ADARB1: variants seen among roughly 807,000 people sequenced by gnomAD.
ADARB1 encodes double-stranded RNA-specific editase 1.
A neutral mutation model predicts 52.4 loss-of-function variants in ADARB1; 10 were observed. The ratio of observed to expected loss-of-function variants is 0.19; its 90% CI spans 0.12 to 0.32. The LOEUF is 0.32. Among genes scored for constraint, ADARB1 ranks in the 10% least tolerant of loss-of-function variants. ADARB1 has a pLI of 1.00. For missense variants in ADARB1, 643 were observed against 922.3 expected (o/e 0.70, Z 3.92); for synonymous variants, 349 against 371.1 (o/e 0.94, Z 0.68).
At chr21:45,088,988 A>T (rs1172868003) in intron 1 of ADARB1, among the ~76,000 whole-genome samples, 1 of 152,152 alleles carries the variant, frequency 6.6e-6, no homozygotes, top group African/African-American at 2.4e-5. Context: ...TGAACACTGG[A>T]AACACCGAGG....
chr21:45,134,769 A>AC (rs754048096), intron 2 of ADARB1: 6 of 531,640 alleles, frequency 1.1e-5, no homozygotes, highest in Admixed American at 9.8e-5. Context: ...AGCATTGAGG[A>AC]CCCCCTAGAG....
intron 2 of ADARB1, among the ~76,000 whole-genome samples, chr21:45,144,264 G>A (rs1301525961): frequency 1.3e-5 from 2 of 152,056 alleles, no homozygotes; most frequent in Non-Finnish European, 2.9e-5. Context: ...GCTTTTAAGA[G>A]TTTTCCTAAA....
chr21:45,109,210 C>T (rs1172543688), intron 1 of ADARB1, among the ~76,000 whole-genome samples: 5 of 148,128 alleles, frequency 3.4e-5, no homozygotes, highest in East Asian at 2.0e-4. Context: ...TGTGTTTGCG[C>T]GCGTGTGTGC....
chr21:45,091,120 A>G (rs2086546238), intron 1 of ADARB1, among the ~76,000 whole-genome samples: 2 of 152,250 alleles, frequency 1.3e-5, no homozygotes, highest in South Asian at 4.1e-4. Flanking sequence ...GCAGTGAATG[A>G]AATAACTCAG....
chr21:45,092,977 A>G (rs1282500018), intron 1 of ADARB1, among the ~76,000 whole-genome samples: 3 of 152,026 alleles, frequency 2.0e-5, no homozygotes, highest in Non-Finnish European at 4.4e-5. Context: ...AGTCGAGGCT[A>G]TCTCAGTCCC....
intron 1 of ADARB1, among the ~76,000 whole-genome samples, chr21:45,104,487 C>A (rs987771488): frequency 2.0e-5 from 3 of 152,074 alleles, no homozygotes; most frequent in African/African-American, 7.2e-5. Context: ...CATGGACAGG[C>A]CGTGCTGCAG....
intron 1 of ADARB1, among the ~76,000 whole-genome samples, chr21:45,097,258 G>A (rs2086803141): frequency 6.6e-6 from 1 of 152,124 alleles, no homozygotes; most frequent in South Asian, 2.1e-4. Flanking sequence ...AAGAGCAAAT[G>A]CTGGAAAAAC....
chr21:45,179,381 G>A (rs1417031725), intron 4 of ADARB1, among the ~76,000 whole-genome samples: 3 of 152,220 alleles, frequency 2.0e-5, no homozygotes, highest in Non-Finnish European at 4.4e-5. Flanking sequence ...CCAACCTGGG[G>A]ATGCTGGGTT....
intron 1 of ADARB1, among the ~76,000 whole-genome samples, chr21:45,094,488 C>G (rs931153459): frequency 6.6e-6 from 1 of 152,162 alleles, no homozygotes; most frequent in Non-Finnish European, 1.5e-5. Context: ...TGTTTTGGCA[C>G]CACTACCATC....
intron 1 of ADARB1, among the ~76,000 whole-genome samples, chr21:45,121,897 C>A (rs559996093): frequency 6.6e-6 from 1 of 152,298 alleles, no homozygotes; most frequent in Admixed American, 6.5e-5. Context: ...CCAGCTGTAT[C>A]CCCTCCTCTC....
At chr21:45,156,689 A>C (rs921464007) in intron 2 of ADARB1, among the ~76,000 whole-genome samples, 2 of 151,930 alleles carry the variant, frequency 1.3e-5, no homozygotes, top group Admixed American at 6.6e-5. Context: ...CCACTTCTCT[A>C]CATTGTTCCG....
chr21:45,174,657 C>G (rs1288786994), intron 3 of ADARB1, among the ~76,000 whole-genome samples: 1 of 151,930 alleles, frequency 6.6e-6, no homozygotes, highest in African/African-American at 2.4e-5. Context: ...GAGCCGAGAT[C>G]GCGCCACTGC....
intron 1 of ADARB1, among the ~76,000 whole-genome samples, chr21:45,112,339 G>A (rs1404033890): frequency 6.6e-6 from 1 of 152,182 alleles, no homozygotes; most frequent in African/African-American, 2.4e-5. Context: ...GGTGTAAAGA[G>A]GCACAGGGAC....
rs1469885184 is a variant in ADARB1, at chr21:45,157,126, A to G, written c.-47-14484A>G. Among the ~76,000 whole-genome samples, 1 of 152,108 alleles carries G rather than the reference A, an allele frequency of 6.6e-6. No individual in the cohort carries two copies. Among genetic ancestry groups the G allele is most frequent in the South Asian group, 2.1e-4 (1 of 4,828 alleles). On this transcript the variant is annotated intron_variant, in intron 2 of 10. Transcript: ENST00000348831. This position sits in a 1 kb window ranked among gnomAD's most constrained non-coding sequence, Gnocchi z 4.1. The stretch of plus-strand genomic sequence containing the variant: ...TGCTGATGGGCCTCGCAGCACAAGA[A>G]AGACTCTGCTGCCTGGGCAGGAGCT...
Position 45,199,515 on chromosome 21 carries a change from C to T in ADARB1, c.1566-5040C>T, listed in dbSNP as rs374158290. 8.5e-5 allele frequency among the ~76,000 whole-genome samples: 13 copies of T among 152,306 alleles called. No homozygotes were observed. In the East Asian group the frequency reaches 2.3e-3, roughly 27 times the overall value. On this transcript the variant is annotated intron_variant, in intron 8 of 10. Transcript: ENST00000348831. ...CAGAAGACATGGACAAAGTAGCCAA[C>T]GACCAGTCCTGGAGAAACAGGCTGT...
intron 2 of ADARB1, among the ~76,000 whole-genome samples, chr21:45,168,155 T>C (rs1161275320): frequency 6.6e-6 from 1 of 152,238 alleles, no homozygotes; most frequent in African/African-American, 2.4e-5. Context: ...ATCCTCTTCG[T>C]GTCCTTTGCC....
At chr21:45,217,924 A>G (rs2092898127) in intron 9 of ADARB1, among the ~76,000 whole-genome samples, 1 of 152,150 alleles carries the variant, frequency 6.6e-6, no homozygotes, top group Non-Finnish European at 1.5e-5. Flanking sequence ...CCAGTAAGAA[A>G]TGTGTTGTTA....
intron 7 of ADARB1, 63 bp downstream of exon 7, chr21:45,183,573 C>T: frequency 1.3e-6 from 2 of 1,560,706 alleles, no homozygotes; most frequent in Non-Finnish European, 1.7e-6. Flanking sequence ...TAAAAACTAA[C>T]CTGTGTTAAT....
At chr21:45,117,366 C>T (rs751286501) in intron 1 of ADARB1, among the ~76,000 whole-genome samples, 1 of 152,104 alleles carries the variant, frequency 6.6e-6, no homozygotes, top group Non-Finnish European at 1.5e-5. Flanking sequence ...TGGAAGGGTA[C>T]GTACCCACTA....
Sources: allele counts gnomAD v4.1 joint callset (sites outside exome capture counted in the v4.1 genomes callset), GRCh38; gene constraint gnomAD v4.1.1; non-coding constraint Gnocchi (gnomAD v3.1); transcripts MANE v1.5; gene names NCBI Gene and HGNC (gene_info 2026-07-23, HGNC 2026-07-21).